Variants in SLC7A7 observed in about 807,000 individuals in gnomAD.
The protein encoded by SLC7A7 is solute carrier family 7 member 7, also known as Y+L amino acid transporter 1.
SLC7A7 carries 39 observed loss-of-function variants against 47.9 expected under a neutral mutation model. The observed-to-expected ratio is 0.81, with a 90% CI of 0.63 to 1.06. SLC7A7 has a LOEUF of 1.06. Among genes scored for constraint, SLC7A7 ranks in the 50% least tolerant of loss-of-function variants. The probability of loss-of-function intolerance (pLI) is 0.00; values close to 1 mark genes in which losing one functional copy is unlikely to be tolerated. For synonymous variants in SLC7A7, 234 were observed against 242.8 expected, an observed-to-expected ratio of 0.96 and a Z score of 0.34; for missense variants, 588 against 632.0, an observed-to-expected ratio of 0.93 and a Z score of 0.75.
chr14:22,784,690 A>G (rs186164620), intron 2 of SLC7A7, among the ~76,000 whole-genome samples: 3 of 152,216 alleles, frequency 2.0e-5, no homozygotes, highest in Non-Finnish European at 2.9e-5. Context: ...AACCCAGCCT[A>G]CATACGGTCC....
chr14:22,779,078 T>A (rs372695429), intron 3 of SLC7A7, 141 bp from the exon 4 acceptor site: 1 of 987,646 alleles, frequency 1.0e-6, no homozygotes, highest in Non-Finnish European at 1.5e-6. Flanking sequence ...AGAGTACCAG[T>A]AAGGGAACAG....
At chr14:22,813,651 TC>T (rs1268318497) in intron 1 of SLC7A7, among the ~76,000 whole-genome samples, 1 of 152,068 alleles carries the variant, frequency 6.6e-6, no homozygotes, top group Non-Finnish European at 1.5e-5. Context: ...AGAGTCTCGC[TC>T]TGTAGCCCAG....
intron 1 of SLC7A7, among the ~76,000 whole-genome samples, chr14:22,814,230 A>T (rs28588397): frequency 0.58 from 87,048 of 150,460 alleles, 25,483 homozygotes; most frequent in East Asian, 0.8. Flanking sequence ...ACATCTGTAA[A>T]CCCAGCACTT....
intron 2 of SLC7A7, among the ~76,000 whole-genome samples, chr14:22,780,749 G>C (rs1419179950): frequency 1.3e-5 from 2 of 152,092 alleles, no homozygotes; most frequent in Non-Finnish European, 2.9e-5. Flanking sequence ...CTTTTATCAG[G>C]GTTCTTAACT....
chr14:22,814,495 C>A (rs2039376684), intron 1 of SLC7A7, among the ~76,000 whole-genome samples: 1 of 151,330 alleles, frequency 6.6e-6, no homozygotes. Context: ...AAAAAAAAAA[C>A]AAAATCAAAA....
rs1043879799 is a variant in SLC7A7 at position 22,779,789 on chromosome 14, A to G, written c.625+137T>C. 58 of 873,604 alleles carry G rather than the reference A, an allele frequency of 6.6e-5. No individual in the cohort carries two copies. The Middle Eastern group carries it at 1.3e-3, about 20-fold the overall frequency. The allele number at this position is 873,604 out of a possible 1,614,324, so 54.1% of individuals were successfully genotyped here. On this transcript the variant is annotated intron_variant, in intron 3 of 9. Transcript: ENST00000674313. ...AATTCTGCAGGCTGTTTCCTCATCC[A>G]TAAAATGAGAATAATAATAGTGCCC...
Position 22,775,924 on chromosome 14 carries a change from G to C in SLC7A7, c.907C>G (p.Gln303Glu). ...ATCCAGTTAAATATTCCAAATATCT[G>C]ATCTGCAAAAGTCTAAGGGAAAAGA... ...SDAVAVTFADQIFGIFNWIIP... is the reference protein window; with the variant it reads ...SDAVAVTFADEIFGIFNWIIP... The change falls in exon 6 of 10, where the codon CAG becomes GAG. Residue 303 changes from glutamine (Q) to glutamate (E), a missense_variant. By Grantham distance (29) the Gln-to-Glu change is conservative. Coordinates refer to ENST00000674313, the MANE Select transcript of SLC7A7 (RefSeq NM_003982.4). 1 of 1,613,178 alleles carries C rather than the reference G, an allele frequency of 6.2e-7. No homozygotes were observed. The highest frequency in any genetic ancestry group is 8.5e-7 in the Non-Finnish European group (1 of 1,179,112).
At chr14:22,803,303 A>C (rs190879772) in intron 2 of SLC7A7, among the ~76,000 whole-genome samples, 1 of 152,208 alleles carries the variant, frequency 6.6e-6, no homozygotes, top group Admixed American at 6.6e-5. Context: ...CTGTAATCCC[A>C]TCTACACAGG....
At chr14:22,787,839 C>T (rs569286396) in intron 2 of SLC7A7, among the ~76,000 whole-genome samples, 18 of 151,042 alleles carry the variant, frequency 1.2e-4, no homozygotes, top group East Asian at 2.0e-4. Context: ...TTTGGGAGGC[C>T]GAGGCAGGCA....
At chr14:22,784,218 C>T (rs2038771420) in intron 2 of SLC7A7, among the ~76,000 whole-genome samples, 1 of 152,242 alleles carries the variant, frequency 6.6e-6, no homozygotes, top group Non-Finnish European at 1.5e-5. Flanking sequence ...CCCCACCCAA[C>T]ACTGGGCCAA....
At chr14:22,783,280 C>T (rs1240540430) in intron 2 of SLC7A7, among the ~76,000 whole-genome samples, 1 of 151,788 alleles carries the variant, frequency 6.6e-6, no homozygotes, top group Non-Finnish European at 1.5e-5. Context: ...CCAGGCTGGT[C>T]TCGAACTCCT....
At position 22,812,909 on chromosome 14, in the gene SLC7A7, C is replaced by T; in HGVS notation, c.490G>A (p.Ala164Thr). Residue 164 changes from alanine (A) to threonine (T), a missense_variant, in exon 2 of 10, where the codon GCC becomes ACC. Coordinates refer to ENST00000674313, the MANE Select transcript of SLC7A7 (RefSeq NM_003982.4). ...PYAASRLLAA[A>T]CICLLTFINC... ...CCCCAGCCCCACTTACAAATGCAGG[C>T]AGCAGCCAGCAGGCGGCTGGCAGCA... The T allele has an allele frequency of 2.5e-6, 4 of 1,613,270 alleles. No homozygotes were observed. The highest frequency in any genetic ancestry group is 3.4e-6 in the Non-Finnish European group (4 of 1,179,896).
Position 22,776,412 on chromosome 14 carries a change from C to T in SLC7A7, c.771-94G>A, listed in dbSNP as rs185194034. ...GACTCTCCCTGCCACACCGGTCTTT[C>T]CAGGGATGGAGACTGTTGCTACATT... On this transcript the variant is annotated intron_variant, in intron 4 of 9. Transcript: ENST00000674313. 13 of 1,513,866 alleles carry T rather than the reference C, an allele frequency of 8.6e-6. No individual in the cohort carries two copies. In the East Asian group the frequency reaches 2.7e-4, roughly 31 times the overall value. The allele number at this position is 1,513,866 out of a possible 1,614,324, so 93.8% of individuals were successfully genotyped here. A position where few individuals can be genotyped will look rare whatever the true frequency, so the allele number is the denominator to read the frequency against.
Position 22,795,457 on chromosome 14 carries a change from CTTTTCTTTTCTTTTCT to C in SLC7A7, c.500-15422_500-15407del, listed in dbSNP as rs1246638190. Among the ~76,000 whole-genome samples, 98 of 73,888 alleles carry C rather than the reference CTTTTCTTTTCTTTTCT, an allele frequency of 1.3e-3. 1 individual carries two copies. Among genetic ancestry groups the C allele is most frequent in the African/African-American group, 7.0e-3 (96 of 13,622 alleles). The allele number at this position is 73,888 out of a possible 152,430, so 48.5% of individuals were successfully genotyped here. A position where few individuals can be genotyped will look rare whatever the true frequency, so the allele number is the denominator to read the frequency against. ...TTCTTTCTTTCTTTTCTATTCTTTT[CTTTTCTTTTCTTTTCT>C]TTTCTTTTCTTTTTTAATTGAGACA... On this transcript the variant is annotated intron_variant, in intron 2 of 9. Coordinates refer to ENST00000674313, the MANE Select transcript of SLC7A7 (RefSeq NM_003982.4).
At chr14:22,788,756 A>G (rs2038871742) in intron 2 of SLC7A7, among the ~76,000 whole-genome samples, 1 of 152,090 alleles carries the variant, frequency 6.6e-6, no homozygotes, top group African/African-American at 2.4e-5. Flanking sequence ...AAAAATACAG[A>G]AGAATCTCAA....
intron 2 of SLC7A7, among the ~76,000 whole-genome samples, chr14:22,810,039 C>CAAAA (rs34386018): frequency 1.8e-3 from 107 of 60,662 alleles, no homozygotes; most frequent in Non-Finnish European, 2.1e-3. Context: ...AACACTGTCT[C>CAAAA]AAAAAAAAAA....
At chr14:22,791,091 C>A (rs1363482415) in intron 2 of SLC7A7, among the ~76,000 whole-genome samples, 1 of 152,106 alleles carries the variant, frequency 6.6e-6, no homozygotes, top group African/African-American at 2.4e-5. Context: ...ATCTTCCATC[C>A]CATTTTCTCC....
intron 2 of SLC7A7, among the ~76,000 whole-genome samples, chr14:22,806,719 A>G (rs1477252317): frequency 6.6e-6 from 1 of 152,074 alleles, no homozygotes; most frequent in East Asian, 1.9e-4. Context: ...CAAAAGCACA[A>G]GGCACACCTT....
chr14:22,802,889 A>T (rs1168560639), intron 2 of SLC7A7, among the ~76,000 whole-genome samples: 1 of 148,348 alleles, frequency 6.7e-6, no homozygotes, highest in Non-Finnish European at 1.5e-5. Context: ...ACAATCCCCC[A>T]TGCACCCCCA....
Sources: allele counts gnomAD v4.1 joint callset (sites outside exome capture counted in the v4.1 genomes callset), GRCh38; gene constraint gnomAD v4.1.1; transcripts MANE v1.5; gene names NCBI Gene and HGNC (gene_info 2026-07-23, HGNC 2026-07-21).